ANKS1B: variants seen among roughly 807,000 people sequenced by gnomAD.
ANKS1B encodes the protein ankyrin repeat and sterile alpha motif domain containing 1B.
In ANKS1B, 36 loss-of-function variants were observed where a neutral mutation model predicts 148.3. That is an observed-to-expected ratio of 0.24 (90% CI 0.19 to 0.32). ANKS1B has a LOEUF of 0.32. Among genes scored for constraint, ANKS1B ranks in the 10% least tolerant of loss-of-function variants. ANKS1B has a pLI of 1.00. For synonymous variants in ANKS1B, 542 were observed against 560.8 expected (o/e 0.97, Z 0.47); for missense variants, 1,157 against 1,542.6 (o/e 0.75, Z 4.19).
intron 3 of ANKS1B, among the ~76,000 whole-genome samples, chr12:99,809,003 G>C (rs894684325): frequency 1.3e-5 from 2 of 152,092 alleles, no homozygotes; most frequent in African/African-American, 4.8e-5. Flanking sequence ...CGTCACCTCA[G>C]TGGACGCCAC....
At chr12:99,154,966 A>G (rs1333987326) in intron 14 of ANKS1B, 8 of 1,535,384 alleles carry the variant, frequency 5.2e-6, no homozygotes, top group Non-Finnish European at 7.0e-6. Flanking sequence ...TTCCTCCTAC[A>G]CACCCATCCA....
At chr12:99,624,462 CA>C (rs2098089681) in intron 9 of ANKS1B, among the ~76,000 whole-genome samples, 1 of 152,098 alleles carries the variant, frequency 6.6e-6, no homozygotes, top group Non-Finnish European at 1.5e-5. Flanking sequence ...AGCGAACAGA[CA>C]ACCTACAAAA....
At chr12:99,200,159 C>T (rs957000986) in intron 14 of ANKS1B, among the ~76,000 whole-genome samples, 1 of 152,172 alleles carries the variant, frequency 6.6e-6, no homozygotes, top group Non-Finnish European at 1.5e-5. Flanking sequence ...AGAGATGGGG[C>T]ACAACTAGAA....
At chr12:99,282,616 G>T (rs1602389399) in intron 12 of ANKS1B, among the ~76,000 whole-genome samples, 1 of 152,154 alleles carries the variant, frequency 6.6e-6, no homozygotes, top group Non-Finnish European at 1.5e-5. Flanking sequence ...CAGCTAGTGA[G>T]AAGTGGTTAG....
chr12:99,351,360 G>T (rs1412597259), intron 12 of ANKS1B, among the ~76,000 whole-genome samples: 1 of 151,864 alleles, frequency 6.6e-6, no homozygotes, highest in Non-Finnish European at 1.5e-5. Flanking sequence ...TAAACTTTTT[G>T]GGGGTGGTCT....
intron 9 of ANKS1B, among the ~76,000 whole-genome samples, chr12:99,514,209 A>G (rs1023227876): frequency 6.6e-6 from 1 of 152,074 alleles, no homozygotes; most frequent in African/African-American, 2.4e-5. Flanking sequence ...GTAGGACTCT[A>G]TGAATATATG....
chr12:99,790,867 G>A (rs570169616), intron 4 of ANKS1B, among the ~76,000 whole-genome samples: 26 of 151,820 alleles, frequency 1.7e-4, no homozygotes, highest in African/African-American at 5.3e-4. Flanking sequence ...AGAGCAGACC[G>A]CCAAAAAAAG....
intron 17 of ANKS1B, among the ~76,000 whole-genome samples, chr12:98,951,158 G>A (rs1333757698): frequency 6.6e-6 from 1 of 152,110 alleles, no homozygotes; most frequent in Admixed American, 6.5e-5. Context: ...TCTCCTTTCT[G>A]CCCTGACCCC....
chr12:99,879,339 C>T (rs2092338257), intron 1 of ANKS1B, among the ~76,000 whole-genome samples: 1 of 152,214 alleles, frequency 6.6e-6, no homozygotes, highest in Non-Finnish European at 1.5e-5. Context: ...ATTCCCCTCA[C>T]TCCTATCCTC....
chr12:99,092,310 G>T lies in ANKS1B; in HGVS notation c.2527-7287C>A, dbSNP rs1400099591. On this transcript the variant is annotated intron_variant, in intron 15 of 26. Coordinates refer to ENST00000683438, the MANE Select transcript of ANKS1B (RefSeq NM_001352186.2). ...GAGTCTGAGCAGGGGGTGCGGCTGG[G>T]GTTGGGGTGGCACCTCTGTCCTACT... Among the ~76,000 whole-genome samples, 5 of 152,070 alleles carry T rather than the reference G, an allele frequency of 3.3e-5. No individual in the cohort carries two copies. In the East Asian group the frequency reaches 9.6e-4, roughly 29 times the overall value.
chr12:99,362,790 C>G (rs1272813837), intron 12 of ANKS1B, among the ~76,000 whole-genome samples: 2 of 151,986 alleles, frequency 1.3e-5, no homozygotes, highest in Admixed American at 1.3e-4. Context: ...ACATTTTCTC[C>G]TCTGAAGACA....
At chr12:99,646,001 A>G (rs2153427450) in intron 9 of ANKS1B, among the ~76,000 whole-genome samples, 2 of 150,846 alleles carry the variant, frequency 1.3e-5, no homozygotes, top group South Asian at 4.2e-4. Context: ...TGTGTATAGC[A>G]AAAAAGTACT....
intron 2 of ANKS1B, among the ~76,000 whole-genome samples, chr12:99,821,153 A>C (rs943047884): frequency 6.6e-6 from 1 of 152,064 alleles, no homozygotes; most frequent in African/African-American, 2.4e-5. Context: ...GAAACAATGG[A>C]GAATATCAAG....
chr12:99,838,758 A>G (rs533936925), intron 1 of ANKS1B, among the ~76,000 whole-genome samples: 1 of 151,910 alleles, frequency 6.6e-6, no homozygotes, highest in African/African-American at 2.4e-5. Context: ...TTTTGATGAA[A>G]TTTTTTAATT....
At chr12:99,666,558 G>A (rs919393230) in intron 8 of ANKS1B, among the ~76,000 whole-genome samples, 21 of 151,608 alleles carry the variant, frequency 1.4e-4, no homozygotes, top group African/African-American at 4.6e-4. Flanking sequence ...ATCTTTGCAC[G>A]TATTAGGTTT....
intron 8 of ANKS1B, among the ~76,000 whole-genome samples, chr12:99,748,415 A>AT (rs34522138): frequency 0.24 from 35,777 of 149,126 alleles, 4,392 homozygotes; most frequent in African/African-American, 0.28. Context: ...ATCTGAAGAG[A>AT]TTTTTTTTTT....
chr12:98,989,891 T>A (rs538907664), intron 17 of ANKS1B, among the ~76,000 whole-genome samples: 86 of 143,452 alleles, frequency 6.0e-4, no homozygotes, highest in Middle Eastern at 3.5e-3. Context: ...AGACCCCATC[T>A]CTTAAGAAAG....
intron 17 of ANKS1B, among the ~76,000 whole-genome samples, chr12:98,920,172 T>G (rs1312909679): frequency 1.3e-5 from 2 of 152,160 alleles, no homozygotes; most frequent in African/African-American, 4.8e-5. Context: ...CCACAATATC[T>G]GTCTTACTCT....
rs992608057 is a variant in ANKS1B, at chr12:99,775,461, T to C, written c.961+87A>G. On this transcript the variant is annotated intron_variant, in intron 7 of 26. Coordinates refer to ENST00000683438, the MANE Select transcript of ANKS1B (RefSeq NM_001352186.2). ...TTATAAATGGATGAAATATAGAGTATAGGATATAACCTATTAGACTTGAAA... is the reference window on the plus strand; with the variant it reads ...TTATAAATGGATGAAATATAGAGTACAGGATATAACCTATTAGACTTGAAA... 3 of 787,332 alleles carry C rather than the reference T, an allele frequency of 3.8e-6. No homozygotes were observed. The African/African-American group carries it at 5.1e-5, about 13-fold the overall frequency. 48.8% of individuals were successfully genotyped at this position (787,332 alleles called of 1,614,324 possible). A position where few individuals can be genotyped will look rare whatever the true frequency, so the allele number is the denominator to read the frequency against.
Sources: allele counts gnomAD v4.1 joint callset (sites outside exome capture counted in the v4.1 genomes callset), GRCh38; gene constraint gnomAD v4.1.1; transcripts MANE v1.5; gene names NCBI Gene and HGNC (gene_info 2026-07-23, HGNC 2026-07-21).